Variants in CA10 observed in about 807,000 individuals in gnomAD.
CA10 encodes the protein carbonic anhydrase 10 (inactive).
A neutral mutation model predicts 44.2 loss-of-function variants in CA10; 14 were observed. The ratio of observed to expected loss-of-function variants is 0.32; its 90% CI spans 0.21 to 0.50. CA10 has a LOEUF of 0.50. CA10 is among the 20% of genes least tolerant of loss of function. The probability of loss-of-function intolerance (pLI) is 0.99; values close to 1 mark genes in which losing one functional copy is unlikely to be tolerated. For synonymous variants in CA10, 159 were observed against 141.6 expected, an observed-to-expected ratio of 1.12 and a Z score of -0.87; for missense variants, 350 against 409.7, an observed-to-expected ratio of 0.85 and a Z score of 1.26.
At position 51,955,456 on chromosome 17, in the gene CA10, T is replaced by A. The variant is rs564167694; in HGVS notation, c.137-24324A>T. ...CTGCTCCACTTCTCCAGGTAACTCA[T>A]GCTTTGGCCACCGTGGCAACTTGCC... is the stretch of plus-strand genomic sequence containing the variant. On this transcript the variant is annotated intron_variant, in intron 2 of 8. Transcript: ENST00000451037. 2.0e-5 allele frequency among the ~76,000 whole-genome samples: 3 copies of A among 152,296 alleles called. No homozygotes were observed. The East Asian group carries it at 5.8e-4, about 30-fold the overall frequency.
chr17:51,733,511 A>C (rs1280114463), intron 4 of CA10, among the ~76,000 whole-genome samples: 1 of 152,072 alleles, frequency 6.6e-6, no homozygotes, highest in Non-Finnish European at 1.5e-5. Flanking sequence ...GGGAAATATC[A>C]CCCTCCAGCT....
intron 2 of CA10, among the ~76,000 whole-genome samples, chr17:52,036,516 G>C (rs534116986): frequency 6.6e-6 from 1 of 152,280 alleles, no homozygotes; most frequent in South Asian, 2.1e-4. Flanking sequence ...GGAGTATCTT[G>C]AAGAATAAAT....
At chr17:51,874,384 T>C (rs1037944116) in intron 3 of CA10, among the ~76,000 whole-genome samples, 2 of 144,758 alleles carry the variant, frequency 1.4e-5, no homozygotes, top group Non-Finnish European at 3.0e-5. Flanking sequence ...CTTGGAGTAA[T>C]TATTAAAAAA....
intron 3 of CA10, among the ~76,000 whole-genome samples, chr17:51,857,126 C>G (rs1024433925): frequency 2.6e-5 from 4 of 152,112 alleles, no homozygotes; most frequent in Non-Finnish European, 5.9e-5. Context: ...AAATGGAAAC[C>G]ATTGTTTTTT....
At chr17:51,736,320 A>C (rs992303234) in intron 4 of CA10, among the ~76,000 whole-genome samples, 9 of 152,194 alleles carry the variant, frequency 5.9e-5, no homozygotes, top group Middle Eastern at 3.2e-3. Flanking sequence ...AGCCCTAGAG[A>C]GGCAGCTGCA....
chr17:52,065,901 G>A (rs1487740136), intron 2 of CA10, among the ~76,000 whole-genome samples: 1 of 152,176 alleles, frequency 6.6e-6, no homozygotes, highest in Admixed American at 6.5e-5. Flanking sequence ...ATTGAATCAT[G>A]TGGACAGTTA....
chr17:51,902,130 C>T (rs770386007), intron 3 of CA10, among the ~76,000 whole-genome samples: 1 of 152,088 alleles, frequency 6.6e-6, no homozygotes, highest in Non-Finnish European at 1.5e-5. Flanking sequence ...TTAAAATAAA[C>T]AGACGATGTG....
chr17:52,111,969 T>TA (rs1988796532), intron 1 of CA10, among the ~76,000 whole-genome samples: 1 of 152,114 alleles, frequency 6.6e-6, no homozygotes, highest in African/African-American at 2.4e-5. Flanking sequence ...CAGGTGGTTC[T>TA]AGAGCCTTAA....
chr17:51,679,361 A>G (rs1239086351), intron 4 of CA10, among the ~76,000 whole-genome samples: 5 of 148,814 alleles, frequency 3.4e-5, no homozygotes, highest in Admixed American at 1.3e-4. Context: ...CCGGGTTCAC[A>G]CCATTCTCCT....
chr17:52,065,167 G>T (rs992800257), intron 2 of CA10, among the ~76,000 whole-genome samples: 2 of 152,162 alleles, frequency 1.3e-5, no homozygotes, highest in Non-Finnish European at 2.9e-5. Context: ...GGTCTAAGAT[G>T]ACTCTGCACT....
intron 4 of CA10, among the ~76,000 whole-genome samples, chr17:51,698,396 T>C (rs1009315952): frequency 6.6e-6 from 1 of 152,214 alleles, no homozygotes; most frequent in Non-Finnish European, 1.5e-5. Context: ...TTAATGTTCT[T>C]GTCTCCCTTC....
At chr17:52,116,723 G>A (rs754345388) in intron 1 of CA10, among the ~76,000 whole-genome samples, 1 of 152,156 alleles carries the variant, frequency 6.6e-6, no homozygotes, top group Non-Finnish European at 1.5e-5. Flanking sequence ...TTGAGCTCAG[G>A]GGAAAGGAAC....
intron 1 of CA10, among the ~76,000 whole-genome samples, chr17:52,085,344 A>G (rs572886993): frequency 6.6e-6 from 1 of 152,318 alleles, no homozygotes; most frequent in East Asian, 1.9e-4. Flanking sequence ...CACCTCCTGC[A>G]TGATTATGTT....
At chr17:52,052,048 T>C (rs1315956097) in intron 2 of CA10, among the ~76,000 whole-genome samples, 1 of 151,952 alleles carries the variant, frequency 6.6e-6, no homozygotes, top group Non-Finnish European at 1.5e-5. Context: ...ACATACTTCA[T>C]ATTCTCACTT....
chr17:51,844,460 T>C (rs1469943877), intron 3 of CA10, among the ~76,000 whole-genome samples: 1 of 152,210 alleles, frequency 6.6e-6, no homozygotes, highest in Non-Finnish European at 1.5e-5. Flanking sequence ...AATTTTTAAA[T>C]AAATTTTCAA....
At chr17:51,985,472 A>T (rs1302877283) in intron 2 of CA10, among the ~76,000 whole-genome samples, 2 of 152,172 alleles carry the variant, frequency 1.3e-5, no homozygotes, top group South Asian at 4.1e-4. Flanking sequence ...GCCCACTCTC[A>T]CCACTCCTCT....
At chr17:51,731,149 TG>T (rs1384360215) in intron 4 of CA10, among the ~76,000 whole-genome samples, 1 of 151,920 alleles carries the variant, frequency 6.6e-6, no homozygotes, top group African/African-American at 2.4e-5. Flanking sequence ...GAGGCCAAGG[TG>T]GGTAGATCAT....
chr17:51,847,390 G>A (rs1342205331), intron 3 of CA10, among the ~76,000 whole-genome samples: 1 of 152,180 alleles, frequency 6.6e-6, no homozygotes, highest in Admixed American at 6.5e-5. Context: ...CAGCCTGGGG[G>A]TGGTGAATGG....
At chr17:51,981,165 G>A (rs549450695) in intron 2 of CA10, among the ~76,000 whole-genome samples, 68 of 152,080 alleles carry the variant, frequency 4.5e-4, no homozygotes, top group Non-Finnish European at 7.1e-4. Context: ...CCTTTTCACT[G>A]TTAAATATTT....
Sources: allele counts gnomAD v4.1 joint callset (sites outside exome capture counted in the v4.1 genomes callset), GRCh38; gene constraint gnomAD v4.1.1; transcripts MANE v1.5; gene names NCBI Gene and HGNC (gene_info 2026-07-23, HGNC 2026-07-21).